The following HMCN1 variants were observed in gnomAD, a reference collection of about 807,000 sequenced individuals.
The protein encoded by HMCN1 is hemicentin-1.
A neutral mutation model predicts 625.9 loss-of-function variants in HMCN1; 321 were observed. That is an observed-to-expected ratio of 0.51 (90% confidence interval 0.47 to 0.56). The LOEUF is 0.56. HMCN1 is among the 20% of genes least tolerant of loss of function. HMCN1 has a pLI of 0.00. For missense variants in HMCN1, 6,588 were observed against 6,887.3 expected, an observed-to-expected ratio of 0.96 and a Z score of 1.54; for synonymous variants, 2,425 against 2,417.6, an observed-to-expected ratio of 1.00 and a Z score of -0.09.
At chr1:185,875,221 GTCTTA>G (rs1275928161) in intron 4 of HMCN1, among the ~76,000 whole-genome samples, 2 of 151,772 alleles carry the variant, frequency 1.3e-5, no homozygotes, top group Non-Finnish European at 2.9e-5. Flanking sequence ...TTTCTTTTAT[GTCTTA>G]TCTTATTGTT....
At chr1:186,006,435 C>G (rs892611168) in intron 29 of HMCN1, among the ~76,000 whole-genome samples, 1 of 152,010 alleles carries the variant, frequency 6.6e-6, no homozygotes, top group African/African-American at 2.4e-5. Flanking sequence ...ACTTTAACAA[C>G]CAAATTTTAA....
intron 33 of HMCN1, 93 bp downstream of exon 33, chr1:186,017,164 G>C: frequency 1.3e-6 from 1 of 767,314 alleles, no homozygotes; most frequent in Non-Finnish European, 2.4e-6. Context: ...CATTAAAAAG[G>C]ATTGTATGAA....
intron 82 of HMCN1, among the ~76,000 whole-genome samples, chr1:186,126,286 A>G (rs1464293033): frequency 6.6e-6 from 1 of 152,104 alleles, no homozygotes; most frequent in Non-Finnish European, 1.5e-5. Context: ...TTCCTATTCA[A>G]ATATTCAACA....
chr1:186,144,087 C>T (rs972297106), intron 89 of HMCN1, 86 bp from the exon 90 acceptor site: 1 of 1,228,170 alleles, frequency 8.1e-7, no homozygotes, highest in Non-Finnish European at 1.1e-6. Flanking sequence ...CTAATTAGCT[C>T]ATTACTGAGT....
intron 70 of HMCN1, among the ~76,000 whole-genome samples, chr1:186,107,914 A>T (rs1450426203): frequency 6.6e-6 from 1 of 152,096 alleles, no homozygotes; most frequent in African/African-American, 2.4e-5. Context: ...AGGAATAATT[A>T]AAAAACTAAC....
At chr1:186,110,002 A>G (rs1374044869) in intron 71 of HMCN1, among the ~76,000 whole-genome samples, 1 of 152,232 alleles carries the variant, frequency 6.6e-6, no homozygotes, top group African/African-American at 2.4e-5. Flanking sequence ...AGGTTGACCA[A>G]GTGATGTCAA....
intron 58 of HMCN1, among the ~76,000 whole-genome samples, 169 bp from the exon 59 acceptor site, chr1:186,087,048 A>G (rs374368512): frequency 3.9e-5 from 6 of 152,234 alleles, no homozygotes; most frequent in African/African-American, 1.4e-4. Context: ...GTGAATAATA[A>G]AGGAAAGATC....
intron 4 of HMCN1, among the ~76,000 whole-genome samples, chr1:185,870,222 C>T (rs572059064): frequency 2.0e-5 from 3 of 152,186 alleles, no homozygotes; most frequent in African/African-American, 7.2e-5. Context: ...CCTTTGAATA[C>T]AGACAAGGAA....
chr1:186,001,366 C>G lies in HMCN1; in HGVS notation c.4138C>G (p.Leu1380Val), dbSNP rs763670625. The G allele has an allele frequency of 3.1e-6, 5 of 1,611,506 alleles. No individual in the cohort carries two copies. The highest frequency in any genetic ancestry group is 1.7e-5 in the Admixed American group (1 of 59,870). Residue 1380 changes from leucine (L) to valine (V), a missense_variant, in exon 27 of 107, where the codon CTC becomes GTC. By Grantham distance (32) the Leu-to-Val change is conservative (BLOSUM62 1). Transcript: ENST00000271588. ...GGTGTTGTTAAATCAGCTGACCAAT[C>G]TCTTCTGTGAAGTGGAAGGCACTCC... ...VSVLLNQLTN[L>V]FCEVEGTPSP...
intron 1 of HMCN1, among the ~76,000 whole-genome samples, chr1:185,844,139 G>C (rs994530998): frequency 7.2e-5 from 11 of 152,188 alleles, no homozygotes; most frequent in South Asian, 2.1e-4. Context: ...TATATGTCAG[G>C]GTGTAACTGC....
chr1:186,100,775 T>G (rs1396836644), intron 68 of HMCN1, among the ~76,000 whole-genome samples: 1 of 152,068 alleles, frequency 6.6e-6, no homozygotes, highest in African/African-American at 2.4e-5. Context: ...TGGCTGGAGG[T>G]AGGCAGTTGT....
intron 9 of HMCN1, among the ~76,000 whole-genome samples, chr1:185,927,786 C>T (rs1571570916): frequency 6.6e-6 from 1 of 152,040 alleles, no homozygotes; most frequent in Non-Finnish European, 1.5e-5. Context: ...ATTATGAAAA[C>T]ATTTTTGACA....
chr1:185,953,107 G>C (rs900210718), intron 11 of HMCN1, among the ~76,000 whole-genome samples: 1 of 151,322 alleles, frequency 6.6e-6, no homozygotes, highest in East Asian at 1.9e-4. Context: ...CAGAAAAGCG[G>C]GACTTGCCAC....
chr1:186,045,925 CCCTATTTAG>C, intron 41 of HMCN1, 62 bp downstream of exon 41: 1 of 1,209,866 alleles, frequency 8.3e-7, no homozygotes, highest in South Asian at 1.2e-5. Context: ...TTTGGTATTA[CCCTATTTAG>C]CGTGACTGTC....
In HMCN1 at chr1:186,007,280, A is replaced by G; in HGVS notation, c.4628A>G (p.Tyr1543Cys). 6.2e-7 allele frequency: 1 copy of G among 1,613,424 alleles called. No individual in the cohort carries two copies. The highest frequency in any genetic ancestry group is 8.5e-7 in the Non-Finnish European group (1 of 1,179,470). Reference sequence around the variant, plus strand: ...GCCAAGGATATAAAACTGACTATCTATAGTAAGTGCGATTGTCTTATGCTT... The same window carrying G: ...GCCAAGGATATAAAACTGACTATCTGTAGTAAGTGCGATTGTCTTATGCTT... ...KQAKDIKLTIYIPPSIKGGNV... is the reference protein window; with the variant it reads ...KQAKDIKLTICIPPSIKGGNV... Residue 1543 changes from tyrosine to cysteine, a missense_variant and splice_region_variant, in exon 30 of 107, where the codon TAT becomes TGT. Physicochemically the swap from Tyr to Cys is radical, Grantham distance 194. Around this residue, in one of 3 missense-constraint regions of HMCN1, gnomAD observed 4,628 missense variants for 4,853.1 expected, o/e 0.95. Coordinates refer to ENST00000271588, the MANE Select transcript of HMCN1 (RefSeq NM_031935.3).
At chr1:185,871,898 T>A (rs1663643851) in intron 4 of HMCN1, among the ~76,000 whole-genome samples, 1 of 152,200 alleles carries the variant, frequency 6.6e-6, no homozygotes, top group Non-Finnish European at 1.5e-5. Flanking sequence ...TTTTGGACAG[T>A]TAGTGCTCTA....
At position 185,989,658 on chromosome 1, in the gene HMCN1, GTGGAGGAA is replaced by G. The variant is rs1160849020; in HGVS notation, c.3208+15_3208+22del. 6.2e-7 allele frequency: 1 copy of G among 1,613,640 alleles called. No individual in the cohort carries two copies. The highest frequency in any genetic ancestry group is 2.2e-5 in the East Asian group (1 of 44,842). ...AGCTAACAGTCTATGGTGAGAGCTG[GTGGAGGAA>G]TGGTTTTTATTGACATTGTCTATCT... is the stretch of plus-strand genomic sequence containing the variant. On this transcript the variant is annotated intron_variant, in intron 21 of 106. Coordinates refer to ENST00000271588, the MANE Select transcript of HMCN1 (RefSeq NM_031935.3).
intron 11 of HMCN1, among the ~76,000 whole-genome samples, chr1:185,954,754 GTAAT>G (rs1649497073): frequency 1.3e-5 from 2 of 152,110 alleles, no homozygotes; most frequent in Admixed American, 1.3e-4. Context: ...TCTCTTTTCA[GTAAT>G]CATACCTTAC....
Position 186,087,818 on chromosome 1 carries a change from T to C in HMCN1, c.9364-114T>C, listed in dbSNP as rs1571333837. Reference sequence around the variant, plus strand: ...AAAATAGCAAGATTGCAGAAGGCAATTAGAACTGGGGCATTGAGCATACAG... The same window carrying C: ...AAAATAGCAAGATTGCAGAAGGCAACTAGAACTGGGGCATTGAGCATACAG... On this transcript the variant is annotated intron_variant, in intron 60 of 106. Transcript: ENST00000271588. 7.8e-6 allele frequency: 9 copies of C among 1,156,374 alleles called. No individual in the cohort carries two copies. The East Asian group carries it at 1.9e-4, about 25-fold the overall frequency. 71.6% of individuals were successfully genotyped at this position (1,156,374 alleles called of 1,614,324 possible).
Sources: gnomAD v4.1 joint callset for allele counts (sites outside exome capture counted in the v4.1 genomes callset) on GRCh38, gnomAD v4.1.1 for gene constraint, gnomAD v4.1.1 regional missense constraint, MANE v1.5 for transcripts, NCBI Gene and HGNC (gene_info 2026-07-23, HGNC 2026-07-21) for gene names.